The following HOXC5 variants were observed in gnomAD, a reference collection of about 807,000 sequenced individuals.
HOXC5 encodes homeobox protein Hox-C5.
HOXC5 carries 19 observed loss-of-function variants against 20.1 expected under a neutral mutation model. The observed-to-expected ratio is 0.94, with a 90% CI of 0.66 to 1.38. The LOEUF (loss-of-function observed/expected upper bound fraction) is 1.38. HOXC5 is among the 40% of genes most tolerant of loss of function. The probability of loss-of-function intolerance (pLI) is 0.00; values close to 1 mark genes in which losing one functional copy is unlikely to be tolerated. For synonymous variants in HOXC5, 124 were observed against 117.0 expected (o/e 1.06, Z -0.39); for missense variants, 330 against 300.1 (o/e 1.10, Z -0.74).
chr12:54,028,877 G>C, upstream of HOXC5: 2 of 1,613,620 alleles, frequency 1.2e-6, no homozygotes, highest in Non-Finnish European at 1.7e-6. Context: ...CAGAAAGCCA[G>C]TATCCAGATT....
the HOXC5 span, among the ~76,000 whole-genome samples, chr12:54,023,236 G>A: frequency 5.5e-4 from 84 of 152,324 alleles, 1 homozygote; most frequent in African/African-American, 2.0e-3. Context: ...CTGGAAGGGG[G>A]CTCAGGGCTG....
At chr12:54,029,899 C>A (rs1046125618), upstream of HOXC5, 1 of 1,609,450 alleles carries the variant, frequency 6.2e-7, no homozygotes, top group South Asian at 1.1e-5. Context: ...GGGCCACCGC[C>A]GACAGCCTGG....
chr12:54,024,212 T>A, the HOXC5 span, among the ~76,000 whole-genome samples: 4 of 151,820 alleles, frequency 2.6e-5, no homozygotes, highest in Non-Finnish European at 5.9e-5. Context: ...CAACCGTTCT[T>A]CTCTTGCTCA....
the HOXC5 span, among the ~76,000 whole-genome samples, chr12:54,025,407 C>T: frequency 1.3e-5 from 2 of 151,828 alleles, no homozygotes; most frequent in Non-Finnish European, 2.9e-5. Context: ...TAGGGAAGAT[C>T]GGGCTCATCT....
At chr12:54,025,063 G>A in the HOXC5 span, among the ~76,000 whole-genome samples, 1 of 152,188 alleles carries the variant, frequency 6.6e-6, no homozygotes, top group African/African-American at 2.4e-5. Context: ...AGGCTAAGGG[G>A]CCAGAGCAGT....
chr12:54,028,619 CAGTG>C, upstream of HOXC5: 1 of 1,614,162 alleles, frequency 6.2e-7, no homozygotes, highest in Non-Finnish European at 8.5e-7. Flanking sequence ...GCCTATGATC[CAGTG>C]AGGCATTTCT....
upstream of HOXC5, chr12:54,028,859 C>T: frequency 6.2e-7 from 1 of 1,613,990 alleles, no homozygotes; most frequent in East Asian, 2.2e-5. Flanking sequence ...AGGACTGCGC[C>T]CCAGGACCAG....
the HOXC5 span, chr12:54,017,533 GTAGT>G: frequency 2.0e-5 from 3 of 152,002 alleles, no homozygotes; most frequent in East Asian, 1.9e-4. Flanking sequence ...GGGTGGGCGC[GTAGT>G]TAATTATGGG....
At position 54,033,154 on chromosome 12, in the gene HOXC5, A is replaced by T. The variant is rs1238395522; in HGVS notation, c.32A>T (p.Lys11Met). The T allele has an allele frequency of 1.2e-6, 2 of 1,613,504 alleles. No individual in the cohort carries two copies. The highest frequency in any genetic ancestry group is 2.7e-5 in the African/African-American group (2 of 74,922). ...TCCTACGTAGCCAATTCATTCTATA[A>T]GCAGAGCCCCAATATCCCTGCCTAT... is the stretch of plus-strand genomic sequence containing the variant. Reference protein sequence around the residue: MSSYVANSFYKQSPNIPAYNM... With the variant: MSSYVANSFYMQSPNIPAYNM... Residue 11 changes from lysine (K) to methionine (M), a missense_variant, in exon 1 of 2, where the codon AAG (lysine) becomes ATG (methionine). Lys to Met is a moderately conservative substitution (Grantham distance 95). Transcript: ENST00000312492.
chr12:54,031,073 T>C (rs1940967271), upstream of HOXC5, among the ~76,000 whole-genome samples: 1 of 152,272 alleles, frequency 6.6e-6, no homozygotes, highest in African/African-American at 2.4e-5. Flanking sequence ...CGTAGGATTT[T>C]GTTGCGGGGG....
At chr12:54,026,968 G>GT in the HOXC5 span, among the ~76,000 whole-genome samples, 1 of 135,122 alleles carries the variant, frequency 7.4e-6, no homozygotes, top group East Asian at 2.3e-4. Context: ...AAATGGTGGG[G>GT]GGGGGGGGAT....
chr12:54,017,273 A>G, the HOXC5 span: 2 of 152,122 alleles, frequency 1.3e-5, no homozygotes, highest in East Asian at 3.9e-4. Flanking sequence ...AATTATTTTT[A>G]TTTTTGAATT....
chr12:54,019,403 CT>C, the HOXC5 span, among the ~76,000 whole-genome samples: 10 of 152,180 alleles, frequency 6.6e-5, no homozygotes, highest in Non-Finnish European at 1.3e-4. Context: ...TCTGTGGGAC[CT>C]GAAAAGGGCA....
In HOXC5 at chr12:54,033,090, A is replaced by G. The variant is rs775788638; in HGVS notation, c.-33A>G. 8 of 1,567,634 alleles carry G rather than the reference A, an allele frequency of 5.1e-6. No homozygotes were observed. In the Admixed American group the frequency reaches 8.7e-5, roughly 17 times the overall value. ...AGTCACAAATCACCCTTAATCAAAA[A>G]GGGTGCAGAAATTTTTTTGGGCCCT... On this transcript the variant is annotated 5_prime_UTR_variant, in exon 1 of 2. Transcript: ENST00000312492.
upstream of HOXC5, chr12:54,032,844 C>G: frequency 5.0e-6 from 1 of 199,780 alleles, no homozygotes; most frequent in East Asian, 1.2e-4. Context: ...CTCACTCCCT[C>G]TCCCCCTTGG....
At chr12:54,025,832 C>G in the HOXC5 span, among the ~76,000 whole-genome samples, 17 of 152,126 alleles carry the variant, frequency 1.1e-4, no homozygotes, top group African/African-American at 4.1e-4. Flanking sequence ...GGGCCCCTTT[C>G]CTCTCCAGAC....
rs1453651917 is a variant in HOXC5, at chr12:54,035,234, G to C, written c.*742G>C. 3 of 152,844 alleles carry C rather than the reference G, an allele frequency of 2.0e-5. No homozygotes were observed. Among genetic ancestry groups the C allele is most frequent in the Non-Finnish European group, 4.4e-5 (3 of 68,214 alleles). 9.5% of individuals were successfully genotyped at this position (152,844 alleles called of 1,614,324 possible). A position where few individuals can be genotyped will look rare whatever the true frequency, so the allele number is the denominator to read the frequency against. On this transcript the variant is annotated 3_prime_UTR_variant, in exon 2 of 2. Coordinates refer to ENST00000312492, the MANE Select transcript of HOXC5 (RefSeq NM_018953.4). ...CAAGTGGTCCTAGAGGCCCTTTGCT[G>C]TCCCATAGTCCCTGCCACGAATTTC...
the HOXC5 span, among the ~76,000 whole-genome samples, chr12:54,019,134 A>G: frequency 4.6e-5 from 6 of 129,180 alleles, no homozygotes; most frequent in Admixed American, 5.4e-4. Context: ...CCTCTGAGGT[A>G]TTCTCCCGCG....
upstream of HOXC5, chr12:54,028,510 A>G (rs1940833212): frequency 1.9e-6 from 3 of 1,611,944 alleles, no homozygotes; most frequent in East Asian, 4.5e-5. Flanking sequence ...CCGACCAGGT[A>G]AAGGCAAAGG....
Sources: allele counts gnomAD v4.1 joint callset (sites outside exome capture counted in the v4.1 genomes callset), GRCh38; gene constraint gnomAD v4.1.1; transcripts MANE v1.5; gene names NCBI Gene and HGNC (gene_info 2026-07-23, HGNC 2026-07-21).